TMEM132D: variants seen among roughly 807,000 people sequenced by gnomAD.
TMEM132D encodes transmembrane protein 132D, also known as mature OL transmembrane protein.
Under a neutral mutation model 62.3 loss-of-function variants are expected in TMEM132D, and 21 were observed. That is an observed-to-expected ratio of 0.34 (90% CI 0.24 to 0.49). TMEM132D has a LOEUF of 0.49. TMEM132D is among the 20% of genes least tolerant of loss of function. The probability of loss-of-function intolerance (pLI) is 0.99; values close to 1 mark genes in which losing one functional copy is unlikely to be tolerated. For missense variants in TMEM132D, 1,346 were observed against 1,402.8 expected, an observed-to-expected ratio of 0.96 and a Z score of 0.65; for synonymous variants, 621 against 575.6, an observed-to-expected ratio of 1.08 and a Z score of -1.13.
At chr12:129,825,066 T>C (rs1344847624) in intron 1 of TMEM132D, among the ~76,000 whole-genome samples, 3 of 149,664 alleles carry the variant, frequency 2.0e-5, no homozygotes, top group Admixed American at 6.7e-5. Context: ...CAGGCTGGAG[T>C]ACAGTGGCAT....
At chr12:129,739,910 G>C (rs1869546321) in intron 1 of TMEM132D, among the ~76,000 whole-genome samples, 1 of 152,074 alleles carries the variant, frequency 6.6e-6, no homozygotes, top group East Asian at 1.9e-4. Context: ...CTTTTCTCCT[G>C]GGCCTTCTTT....
intron 3 of TMEM132D, among the ~76,000 whole-genome samples, chr12:129,421,345 G>A (rs935429974): frequency 2.6e-5 from 4 of 152,092 alleles, no homozygotes; most frequent in Non-Finnish European, 2.9e-5. Context: ...ATAACCAAAG[G>A]TTTCTTCATT....
chr12:129,441,693 C>G (rs1285326492), intron 3 of TMEM132D, among the ~76,000 whole-genome samples: 1 of 152,178 alleles, frequency 6.6e-6, no homozygotes, highest in Non-Finnish European at 1.5e-5. Context: ...TGCCCATATG[C>G]TCACTGCAGT....
chr12:129,519,195 A>T lies in TMEM132D; in HGVS notation c.1115+11864T>A, dbSNP rs141760192. On this transcript the variant is annotated intron_variant, in intron 3 of 8. Coordinates refer to ENST00000422113, the MANE Select transcript of TMEM132D (RefSeq NM_133448.3). Reference sequence around the variant, plus strand: ...TCTATGAACTTGGCTGGGGAAAAACAGCCCTTTATTTTTCCTACCCTGGAA... The same window carrying T: ...TCTATGAACTTGGCTGGGGAAAAACTGCCCTTTATTTTTCCTACCCTGGAA... Among the ~76,000 whole-genome samples the T allele has an allele frequency of 3.6e-3, 544 of 152,318 alleles. 4 individuals are homozygous for T. The highest frequency in any genetic ancestry group is 0.012 in the African/African-American group (487 of 41,574).
intron 1 of TMEM132D, among the ~76,000 whole-genome samples, chr12:129,765,840 CT>C (rs1231027016): frequency 3.9e-5 from 6 of 152,254 alleles, no homozygotes; most frequent in Admixed American, 2.6e-4. Context: ...TGATTTTGCC[CT>C]TCTTTGAAGA....
intron 3 of TMEM132D, among the ~76,000 whole-genome samples, chr12:129,488,687 CA>C (rs1874662770): frequency 6.6e-6 from 1 of 151,978 alleles, no homozygotes; most frequent in Non-Finnish European, 1.5e-5. Flanking sequence ...AAAACAAAAA[CA>C]AAAACAAAAA....
chr12:129,582,932 T>G (rs544684578), intron 2 of TMEM132D, among the ~76,000 whole-genome samples: 1 of 151,190 alleles, frequency 6.6e-6, no homozygotes, highest in African/African-American at 2.5e-5. Context: ...GCCGAGTTTG[T>G]TTTTTGTTTT....
chr12:129,181,595 C>G (rs1413429005), intron 5 of TMEM132D, among the ~76,000 whole-genome samples: 1 of 152,194 alleles, frequency 6.6e-6, no homozygotes, highest in Non-Finnish European at 1.5e-5. Context: ...ATCGATCCTT[C>G]CCACCTCTCC....
intron 1 of TMEM132D, among the ~76,000 whole-genome samples, chr12:129,849,997 C>T (rs1042402664): frequency 6.6e-6 from 1 of 152,182 alleles, no homozygotes; most frequent in Admixed American, 6.5e-5. Flanking sequence ...AATGCTCACG[C>T]ATATAGCAAT....
chr12:129,176,743 G>C (rs111802350), intron 5 of TMEM132D, among the ~76,000 whole-genome samples: 22 of 152,384 alleles, frequency 1.4e-4, no homozygotes, highest in African/African-American at 5.0e-4. Context: ...CAGCCAACGA[G>C]AGCAGGCTGG....
intron 1 of TMEM132D, among the ~76,000 whole-genome samples, chr12:129,773,085 G>A (rs1204394593): frequency 6.6e-6 from 1 of 152,228 alleles, no homozygotes; most frequent in East Asian, 1.9e-4. Flanking sequence ...CTGGGCAGCA[G>A]CCACTCCTGG....
At chr12:129,886,063 T>G (rs906671659) in intron 1 of TMEM132D, among the ~76,000 whole-genome samples, 1 of 152,250 alleles carries the variant, frequency 6.6e-6, no homozygotes, top group African/African-American at 2.4e-5. Context: ...ATTCTCATTA[T>G]GCAAAAATTT....
intron 1 of TMEM132D, among the ~76,000 whole-genome samples, chr12:129,780,304 G>T (rs1871080119): frequency 6.6e-6 from 1 of 151,316 alleles, no homozygotes. Context: ...GGACACTCAG[G>T]GCTTTGGCTT....
intron 4 of TMEM132D, among the ~76,000 whole-genome samples, chr12:129,251,175 C>T (rs138456778): frequency 2.0e-5 from 3 of 151,746 alleles, no homozygotes; most frequent in Admixed American, 1.3e-4. Context: ...CTGGGCAACA[C>T]GGTGAAACCC....
At chr12:129,146,645 A>G (rs1362312908) in intron 5 of TMEM132D, among the ~76,000 whole-genome samples, 1 of 152,138 alleles carries the variant, frequency 6.6e-6, no homozygotes, top group Non-Finnish European at 1.5e-5. Flanking sequence ...TATTTCCCTC[A>G]GCATACTATG....
At chr12:129,739,005 A>G (rs1305693913) in intron 1 of TMEM132D, among the ~76,000 whole-genome samples, 3 of 152,172 alleles carry the variant, frequency 2.0e-5, no homozygotes, top group African/African-American at 7.2e-5. Flanking sequence ...ACCCCAAATC[A>G]TGGGGCCAGA....
At chr12:129,816,868 T>C (rs945498519) in intron 1 of TMEM132D, among the ~76,000 whole-genome samples, 1 of 152,208 alleles carries the variant, frequency 6.6e-6, no homozygotes, top group Non-Finnish European at 1.5e-5. Flanking sequence ...ACCGAGATAG[T>C]TTCATCAAAG....
At position 129,575,573 on chromosome 12, in the gene TMEM132D, C is replaced by A. The variant is rs139925655; in HGVS notation, c.969-44368G>T. ...TGCCAGACTGAGAAGTCCTGCCTTG[C>A]TAAAATCCGTAAATGCCAGAAAGCT... On this transcript the variant is annotated intron_variant, in intron 2 of 8. Coordinates refer to ENST00000422113, the MANE Select transcript of TMEM132D (RefSeq NM_133448.3). Among the ~76,000 whole-genome samples the A allele has an allele frequency of 1.4e-3, 220 of 151,936 alleles. 10 individuals carry two copies. Among genetic ancestry groups the A allele is most frequent in the African/African-American group, 5.0e-3 (208 of 41,256 alleles).
At chr12:129,658,851 G>A (rs1056750251) in intron 2 of TMEM132D, among the ~76,000 whole-genome samples, 2 of 152,170 alleles carry the variant, frequency 1.3e-5, no homozygotes, top group African/African-American at 2.4e-5. Flanking sequence ...ATGTGGAAGA[G>A]AGAGAGGCCA....
Sources: allele counts gnomAD v4.1 joint callset (sites outside exome capture counted in the v4.1 genomes callset), GRCh38; gene constraint gnomAD v4.1.1; transcripts MANE v1.5; gene names NCBI Gene and HGNC (gene_info 2026-07-23, HGNC 2026-07-21).